Variants in CEP135 observed in about 807,000 individuals in gnomAD.
The protein encoded by CEP135 is centrosomal protein 135, also known as centrosomal protein of 135 kDa.
In CEP135, 142 loss-of-function variants were observed where a neutral mutation model predicts 157.3. The observed-to-expected ratio is 0.90, with a 90% confidence interval of 0.79 to 1.04. CEP135 has a LOEUF of 1.04. CEP135 is among the 50% of genes least tolerant of loss of function. The pLI, the probability that CEP135 is intolerant of heterozygous loss-of-function variation, is 0.00. For missense variants in CEP135, 1,317 were observed against 1,309.2 expected, an observed-to-expected ratio of 1.01 and a Z score of -0.09; for synonymous variants, 396 against 439.8, an observed-to-expected ratio of 0.90 and a Z score of 1.25.
At position 56,008,312 on chromosome 4, in the gene CEP135, T is replaced by C. The variant is rs1231815144; in HGVS notation, c.2281-15T>C. 2 of 1,595,784 alleles carry C rather than the reference T, an allele frequency of 1.3e-6. No homozygotes were observed. Among genetic ancestry groups the C allele is most frequent in the Non-Finnish European group, 1.7e-6 (2 of 1,167,034 alleles). Reference sequence around the variant, plus strand: ...TTTTGGTTTAAAATCTTACACATTTTTGTAATTTCTATAGGAAAAAGCTGT... The same window carrying C: ...TTTTGGTTTAAAATCTTACACATTTCTGTAATTTCTATAGGAAAAAGCTGT... On this transcript the variant is annotated splice_polypyrimidine_tract_variant and intron_variant, in intron 17 of 25. Transcript: ENST00000257287.
chr4:56,020,723 A>T lies in CEP135; in HGVS notation c.3263A>T (p.Gln1088Leu). The T allele has an allele frequency of 6.2e-7, 1 of 1,613,808 alleles. No individual in the cohort carries two copies. ...ENTMLRAKVA[Q>L]LQTDYDALKR... The stretch of plus-strand genomic sequence containing the variant: ...ACCATGCTTCGAGCTAAAGTGGCAC[A>T]GTTACAAACAGATTATGATGCTCTG... Residue 1088 changes from glutamine to leucine, a missense_variant, in exon 24 of 26, where the codon CAG (glutamine) becomes CTG (leucine). Gln to Leu is a moderately radical substitution (Grantham distance 113, BLOSUM62 -2). Transcript: ENST00000257287.
chr4:55,999,212 C>T, intron 15 of CEP135, 90 bp from the exon 16 acceptor site: 1 of 961,946 alleles, frequency 1.0e-6, no homozygotes, highest in Non-Finnish European at 1.6e-6. Context: ...AAAAATAAGA[C>T]ATCAAAATAT....
rs768457559 is a variant in CEP135 at position 55,985,372 on chromosome 4, C to A, written c.1857+14C>A. The A allele has an allele frequency of 2.0e-6, 3 of 1,481,488 alleles. No homozygotes were observed. The Admixed American group carries it at 5.1e-5, about 25-fold the overall frequency. The allele number at this position is 1,481,488 out of a possible 1,614,324, so 91.8% of individuals were successfully genotyped here. Reference sequence around the variant, plus strand: ...GTTAATCATCAGGTAATGTATCAAACTGGATTTGGGGTATCTTGTGTTATA... The same window carrying A: ...GTTAATCATCAGGTAATGTATCAAAATGGATTTGGGGTATCTTGTGTTATA... On this transcript the variant is annotated intron_variant, in intron 14 of 25. Transcript: ENST00000257287.
chr4:55,950,147 CA>C (rs916468547), intron 1 of CEP135, among the ~76,000 whole-genome samples: 1 of 152,144 alleles, frequency 6.6e-6, no homozygotes, highest in African/African-American at 2.4e-5. Context: ...AAAAAGTTAA[CA>C]AGAGCAAAGA....
At chr4:56,003,590 G>A (rs1052731491) in intron 17 of CEP135, among the ~76,000 whole-genome samples, 5 of 151,990 alleles carry the variant, frequency 3.3e-5, no homozygotes, top group African/African-American at 1.2e-4. Context: ...TTGGAGTTTG[G>A]TTTGTTCTTG....
chr4:55,985,427 A>G, intron 14 of CEP135, 69 bp downstream of exon 14: 1 of 613,820 alleles, frequency 1.6e-6, no homozygotes, highest in South Asian at 3.6e-5. Flanking sequence ...CAGTTTTAAT[A>G]CACTATTTTT....
intron 8 of CEP135, among the ~76,000 whole-genome samples, chr4:55,968,296 G>A (rs758801491): frequency 3.3e-5 from 5 of 151,468 alleles, no homozygotes; most frequent in Middle Eastern, 3.5e-3. Context: ...TTCCGTGTCC[G>A]TGGATTGGAA....
At chr4:55,967,468 C>A (rs1577872627) in intron 8 of CEP135, among the ~76,000 whole-genome samples, 1 of 152,032 alleles carries the variant, frequency 6.6e-6, no homozygotes, top group Non-Finnish European at 1.5e-5. Flanking sequence ...ATATACATGC[C>A]CTTCTTTGAA....
rs188372768 is a variant in CEP135, at chr4:55,961,388, T to A, written c.699+1622T>A. On this transcript the variant is annotated intron_variant, in intron 6 of 25. Transcript: ENST00000257287. ...GCTTACTCTGCTGCCTATCAGTTAT[T>A]TGTCTTTTTTTGCTGGAGTTTATTC... 2.3e-3 allele frequency among the ~76,000 whole-genome samples: 348 copies of A among 152,238 alleles called. 1 individual carries two copies. The highest frequency in any genetic ancestry group is 7.7e-3 in the African/African-American group (318 of 41,542).
rs1482578343 is a variant in CEP135, at chr4:56,032,560, C to G, written c.*1212C>G. 6.6e-6 allele frequency: 1 copy of G among 152,014 alleles called. No individual in the cohort carries two copies. The highest frequency in any genetic ancestry group is 2.4e-5 in the African/African-American group (1 of 41,396). The allele number at this position is 152,014 out of a possible 1,614,324, so 9.4% of individuals were successfully genotyped here. A position where few individuals can be genotyped will look rare whatever the true frequency, so the allele number is the denominator to read the frequency against. On this transcript the variant is annotated 3_prime_UTR_variant, in exon 26 of 26. Coordinates refer to ENST00000257287, the MANE Select transcript of CEP135 (RefSeq NM_025009.5). The stretch of plus-strand genomic sequence containing the variant: ...TTCTAAGCCTGTGTGTTATAATTTA[C>G]CAGTTCCCCAAAATGCCATTTTTAA...
intron 15 of CEP135, among the ~76,000 whole-genome samples, chr4:55,997,158 T>C (rs1038839816): frequency 2.0e-5 from 3 of 152,220 alleles, no homozygotes; most frequent in African/African-American, 7.2e-5. Context: ...TGGCAGTCAC[T>C]CAACTATTCT....
At chr4:55,958,123 C>T (rs1471659898) in intron 5 of CEP135, among the ~76,000 whole-genome samples, 1 of 152,074 alleles carries the variant, frequency 6.6e-6, no homozygotes, top group African/African-American at 2.4e-5. Context: ...TTATTAATCT[C>T]AATAGATAAA....
chr4:55,984,186 A>G lies in CEP135; in HGVS notation c.1780-1095A>G, dbSNP rs1302508076. Among the ~76,000 whole-genome samples, 3 of 152,208 alleles carry G rather than the reference A, an allele frequency of 2.0e-5. No homozygotes were observed. The East Asian group carries it at 5.8e-4, about 29-fold the overall frequency. Reference sequence around the variant, plus strand: ...CAGTGATTGGCCTTTGCCTACCTGAAGGTCTAGCCTCTTTCCTCTAAACTC... The same window carrying G: ...CAGTGATTGGCCTTTGCCTACCTGAGGGTCTAGCCTCTTTCCTCTAAACTC... On this transcript the variant is annotated intron_variant, in intron 13 of 25. Coordinates refer to ENST00000257287, the MANE Select transcript of CEP135 (RefSeq NM_025009.5).
rs2109733854 is a variant in CEP135 at position 56,011,480 on chromosome 4, C to T, written c.2574C>T (p.Tyr858=). Residue 858 remains tyrosine, a synonymous_variant, in exon 20 of 26, where the codon TAC becomes TAT. Coordinates refer to ENST00000257287, the MANE Select transcript of CEP135 (RefSeq NM_025009.5). ...KEEMKSRVHK[Y]ITEVSRWESL... is the part of the protein sequence containing the mutation. ...AAATGAAGAGCAGAGTTCATAAATACATAACAGAGGTGTCACGATGGGAGA... is the reference window on the plus strand; with the variant it reads ...AAATGAAGAGCAGAGTTCATAAATATATAACAGAGGTGTCACGATGGGAGA... The T allele has an allele frequency of 1.2e-6, 2 of 1,610,954 alleles. No individual in the cohort carries two copies. Among genetic ancestry groups the T allele is most frequent in the Middle Eastern group, 3.3e-4 (2 of 6,046 alleles).
At chr4:56,012,015 T>G in intron 21 of CEP135, 30 bp downstream of exon 21, 1 of 1,283,070 alleles carries the variant, frequency 7.8e-7, no homozygotes, top group Non-Finnish European at 1.0e-6. Context: ...TGTAAAGATG[T>G]TATTTAGTGA....
intron 15 of CEP135, 25 bp from the exon 16 acceptor site, chr4:55,999,277 T>C: frequency 6.6e-7 from 1 of 1,519,546 alleles, no homozygotes; most frequent in Non-Finnish European, 9.1e-7. Context: ...AGAATACCAT[T>C]TGTTTTTGTC....
In CEP135 at chr4:56,017,628, G is replaced by T; in HGVS notation, c.2803-20G>T. 7 of 1,546,454 alleles carry T rather than the reference G, an allele frequency of 4.5e-6. No homozygotes were observed. The highest frequency in any genetic ancestry group is 2.3e-5 in the East Asian group (1 of 43,302). On this transcript the variant is annotated intron_variant, in intron 21 of 25. Coordinates refer to ENST00000257287, the MANE Select transcript of CEP135 (RefSeq NM_025009.5). ...ATTGGGTTATTTTAACTTTTTACTT[G>T]TTTCTTTTTCTTTTTTCAGCACATA...
chr4:55,957,959 A>G (rs771661141), intron 5 of CEP135, among the ~76,000 whole-genome samples: 1 of 152,236 alleles, frequency 6.6e-6, no homozygotes, highest in Non-Finnish European at 1.5e-5. Context: ...ACAAAACACC[A>G]TTAAGAAAAT....
chr4:56,012,934 G>A (rs1349113233), intron 21 of CEP135, among the ~76,000 whole-genome samples: 1 of 151,988 alleles, frequency 6.6e-6, no homozygotes, highest in Non-Finnish European at 1.5e-5. Flanking sequence ...TGGATCATAT[G>A]ATAATTCTGT....
Sources: gnomAD v4.1 joint callset for allele counts (sites outside exome capture counted in the v4.1 genomes callset) on GRCh38, gnomAD v4.1.1 for gene constraint, MANE v1.5 for transcripts, NCBI Gene and HGNC (gene_info 2026-07-23, HGNC 2026-07-21) for gene names.